MR1: variants seen among roughly 807,000 people sequenced by gnomAD.
MR1 encodes the protein major histocompatibility complex class I-related protein 1.
Under a neutral mutation model 37.8 loss-of-function variants are expected in MR1, and 44 were observed. That is an observed-to-expected ratio of 1.16 (90% CI 0.91 to 1.50). The LOEUF (loss-of-function observed/expected upper bound fraction) is 1.50, where lower values mean the gene tolerates loss of function less well. Among genes scored for constraint, MR1 ranks in the 40% most tolerant of loss-of-function variants. The probability of loss-of-function intolerance (pLI) is 0.00; values close to 1 mark genes in which losing one functional copy is unlikely to be tolerated. For synonymous variants in MR1, 153 were observed against 155.8 expected (o/e 0.98, Z 0.13); for missense variants, 386 against 419.1 (o/e 0.92, Z 0.69).
In MR1 at chr1:181,061,376, G is replaced by A. The variant is rs1385014507; in HGVS notation, c.*6111G>A. On this transcript the variant is annotated 3_prime_UTR_variant, in exon 6 of 6. Coordinates refer to ENST00000367580, the MANE Select transcript of MR1 (RefSeq NM_001385161.1). ...AGAACACAGAGTAGATTTTGGTCCC[G>A]TTTGTTCCCCAGTGGGGTATCTATC... is the stretch of plus-strand genomic sequence containing the variant. 3 of 152,222 alleles carry A rather than the reference G, an allele frequency of 2.0e-5. No homozygotes were observed. The highest frequency in any genetic ancestry group is 6.5e-5 in the Admixed American group (1 of 15,284). The allele number at this position is 152,222 out of a possible 1,614,324, so 9.4% of individuals were successfully genotyped here.
chr1:181,055,362 A>G lies in MR1; in HGVS notation c.*97A>G, dbSNP rs1007801683. ...CCTAGTGCTTGAAGGTCCTGACGAC[A>G]CCCACAACATACATGAGAGTAATGG... On this transcript the variant is annotated 3_prime_UTR_variant, in exon 6 of 6. Transcript: ENST00000367580. 81 of 1,069,866 alleles carry G rather than the reference A, an allele frequency of 7.6e-5. No individual in the cohort carries two copies. The highest frequency in any genetic ancestry group is 1.9e-5 in the Non-Finnish European group (13 of 696,914). 66.3% of individuals were successfully genotyped at this position (1,069,866 alleles called of 1,614,324 possible). A position where few individuals can be genotyped will look rare whatever the true frequency, so the allele number is the denominator to read the frequency against.
chr1:181,050,464 T>G, intron 3 of MR1, 178 bp downstream of exon 3: 1 of 685,986 alleles, frequency 1.5e-6, no homozygotes, highest in Admixed American at 2.8e-5. Context: ...GAGCAGCATC[T>G]TGACAAGATT....
chr1:181,049,385 A>G, intron 2 of MR1, 73 bp downstream of exon 2: 1 of 1,506,994 alleles, frequency 6.6e-7, no homozygotes, highest in Non-Finnish European at 8.9e-7. Context: ...CTGGCCTCCA[A>G]TAAGCGGATG....
rs1558122657 is a variant in MR1, at chr1:181,055,468, T to A, written c.*203T>A. ...CTCCAAAAAGACTGTCAGCTTTCAGTCTCTTTTGATGGACTGTTTTATCAG... is the reference window on the plus strand; with the variant it reads ...CTCCAAAAAGACTGTCAGCTTTCAGACTCTTTTGATGGACTGTTTTATCAG... On this transcript the variant is annotated 3_prime_UTR_variant, in exon 6 of 6. Coordinates refer to ENST00000367580, the MANE Select transcript of MR1 (RefSeq NM_001385161.1). The A allele has an allele frequency of 5.2e-6, 3 of 574,506 alleles. No individual in the cohort carries two copies. Among genetic ancestry groups the A allele is most frequent in the Non-Finnish European group, 9.2e-6 (3 of 324,334 alleles). 35.6% of individuals were successfully genotyped at this position (574,506 alleles called of 1,614,324 possible).
intron 1 of MR1, among the ~76,000 whole-genome samples, chr1:181,034,945 A>G (rs1465112247): frequency 2.6e-5 from 4 of 152,228 alleles, no homozygotes; most frequent in African/African-American, 7.2e-5. Flanking sequence ...CTTGACCACT[A>G]CACAATCTAT....
At chr1:181,040,655 T>C (rs1168801241) in intron 1 of MR1, among the ~76,000 whole-genome samples, 1 of 151,792 alleles carries the variant, frequency 6.6e-6, no homozygotes, top group Non-Finnish European at 1.5e-5. Context: ...CAGTGGTGGA[T>C]GGGTGTGACT....
chr1:181,044,206 G>A (rs904640819), intron 1 of MR1, among the ~76,000 whole-genome samples: 6 of 151,974 alleles, frequency 3.9e-5, no homozygotes, highest in South Asian at 2.1e-4. Flanking sequence ...CTCATGATCC[G>A]CCCGCGTCGG....
rs1658673439 is a variant in MR1, at chr1:181,057,312, T to C, written c.*2047T>C. The C allele has an allele frequency of 6.6e-6, 1 of 152,236 alleles. No individual in the cohort carries two copies. The highest frequency in any genetic ancestry group is 2.4e-5 in the African/African-American group (1 of 41,436). The allele number at this position is 152,236 out of a possible 1,614,324, so 9.4% of individuals were successfully genotyped here. A position where few individuals can be genotyped will look rare whatever the true frequency, so the allele number is the denominator to read the frequency against. ...TTGTTTTTAGGGTTGCCATGGGCAATTTCCGTGCCACTTTTAAGCAGTGTT... is the reference window on the plus strand; with the variant it reads ...TTGTTTTTAGGGTTGCCATGGGCAACTTCCGTGCCACTTTTAAGCAGTGTT... On this transcript the variant is annotated 3_prime_UTR_variant, in exon 6 of 6. Transcript: ENST00000367580.
chr1:181,053,434 T>A, intron 4 of MR1, 139 bp from the exon 5 acceptor site: 1 of 604,752 alleles, frequency 1.7e-6, no homozygotes, highest in Non-Finnish European at 3.0e-6. Flanking sequence ...ATTCCATTAG[T>A]GGTCAGATTG....
Position 181,055,395 on chromosome 1 carries a change from C to A in MR1, c.*130C>A. On this transcript the variant is annotated 3_prime_UTR_variant, in exon 6 of 6. Coordinates refer to ENST00000367580, the MANE Select transcript of MR1 (RefSeq NM_001385161.1). ...CATACATGAGAGTAATGGGATTGAGCATTTATGGCAGCAACAGAGGAGCCA... is the reference window on the plus strand; with the variant it reads ...CATACATGAGAGTAATGGGATTGAGAATTTATGGCAGCAACAGAGGAGCCA... The A allele has an allele frequency of 2.5e-6, 2 of 784,752 alleles. No individual in the cohort carries two copies. Among genetic ancestry groups the A allele is most frequent in the Non-Finnish European group, 4.2e-6 (2 of 472,118 alleles). 48.6% of individuals were successfully genotyped at this position (784,752 alleles called of 1,614,324 possible).
chr1:181,048,060 A>AGT (rs1558117203), intron 1 of MR1, among the ~76,000 whole-genome samples: 1 of 150,890 alleles, frequency 6.6e-6, no homozygotes, highest in Admixed American at 6.6e-5. Context: ...TACTAAAAAT[A>AGT]CAAAAAAATT....
chr1:181,043,970 T>TA (rs1362624921), intron 1 of MR1, among the ~76,000 whole-genome samples: 2 of 143,664 alleles, frequency 1.4e-5, no homozygotes, highest in Non-Finnish European at 3.1e-5. Context: ...TCTTTTTTTT[T>TA]TTTTTTTTTT....
At chr1:181,051,785 C>A (rs530813350) in intron 3 of MR1, among the ~76,000 whole-genome samples, 36 of 152,234 alleles carry the variant, frequency 2.4e-4, no homozygotes, top group African/African-American at 8.7e-4. Context: ...CAATTCGGAG[C>A]CAAAACTGAG....
Position 181,055,338 on chromosome 1 carries a change from C to T in MR1, c.*73C>T. On this transcript the variant is annotated 3_prime_UTR_variant, in exon 6 of 6. Transcript: ENST00000367580. Reference sequence around the variant, plus strand: ...TCCTCTGTCCCCCATAGAGTCAAGCCTAGTGCTTGAAGGTCCTGACGACAC... The same window carrying T: ...TCCTCTGTCCCCCATAGAGTCAAGCTTAGTGCTTGAAGGTCCTGACGACAC... 1 of 1,416,248 alleles carries T rather than the reference C, an allele frequency of 7.1e-7. No homozygotes were observed. The highest frequency in any genetic ancestry group is 1.0e-6 in the Non-Finnish European group (1 of 1,004,618). 87.7% of individuals were successfully genotyped at this position (1,416,248 alleles called of 1,614,324 possible).
chr1:181,055,371 A>T lies in MR1; in HGVS notation c.*106A>T. ...TGAAGGTCCTGACGACACCCACAAC[A>T]TACATGAGAGTAATGGGATTGAGCA... On this transcript the variant is annotated 3_prime_UTR_variant, in exon 6 of 6. Transcript: ENST00000367580. 1.0e-6 allele frequency: 1 copy of T among 978,926 alleles called. No homozygotes were observed. The highest frequency in any genetic ancestry group is 1.6e-6 in the Non-Finnish European group (1 of 621,814). 60.6% of individuals were successfully genotyped at this position (978,926 alleles called of 1,614,324 possible).
In MR1 at chr1:181,055,333, C is replaced by T; in HGVS notation, c.*68C>T. 4.1e-6 allele frequency: 6 copies of T among 1,450,550 alleles called. No homozygotes were observed. The highest frequency in any genetic ancestry group is 5.8e-6 in the Non-Finnish European group (6 of 1,034,406). 89.9% of individuals were successfully genotyped at this position (1,450,550 alleles called of 1,614,324 possible). A position where few individuals can be genotyped will look rare whatever the true frequency, so the allele number is the denominator to read the frequency against. ...TGTTATCCTCTGTCCCCCATAGAGTCAAGCCTAGTGCTTGAAGGTCCTGAC... is the reference window on the plus strand; with the variant it reads ...TGTTATCCTCTGTCCCCCATAGAGTTAAGCCTAGTGCTTGAAGGTCCTGAC... On this transcript the variant is annotated 3_prime_UTR_variant, in exon 6 of 6. Transcript: ENST00000367580.
intron 1 of MR1, among the ~76,000 whole-genome samples, chr1:181,035,228 T>G (rs984255311): frequency 2.6e-5 from 4 of 151,746 alleles, no homozygotes; most frequent in African/African-American, 9.7e-5. Flanking sequence ...TCCCAGCTAC[T>G]CGGGAGACTG....
intron 2 of MR1, 185 bp from the exon 3 acceptor site, chr1:181,049,826 A>T: frequency 1.6e-6 from 1 of 636,172 alleles, no homozygotes; most frequent in Non-Finnish European, 2.7e-6. Flanking sequence ...GGTACTTCAC[A>T]GATACCTGCT....
At chr1:181,046,145 C>T (rs1308956366) in intron 1 of MR1, among the ~76,000 whole-genome samples, 4 of 152,226 alleles carry the variant, frequency 2.6e-5, no homozygotes, top group African/African-American at 7.2e-5. Context: ...CGGCCCGAGC[C>T]TCCCCGATGA....
Sources: gnomAD v4.1 joint callset for allele counts (sites outside exome capture counted in the v4.1 genomes callset) on GRCh38, gnomAD v4.1.1 for gene constraint, MANE v1.5 for transcripts, NCBI Gene and HGNC (gene_info 2026-07-23, HGNC 2026-07-21) for gene names.